The following USF3 variants were observed in gnomAD, a reference collection of about 807,000 sequenced individuals.
USF3 encodes basic helix-loop-helix domain-containing protein USF3.
Under a neutral mutation model 157.5 loss-of-function variants are expected in USF3, and 29 were observed. The observed-to-expected ratio is 0.18, with a 90% confidence interval of 0.14 to 0.25. The LOEUF (loss-of-function observed/expected upper bound fraction) is 0.25. Among genes scored for constraint, USF3 ranks in the 10% least tolerant of loss-of-function variants. The pLI is 1.00. For missense variants in USF3, 2,381 were observed against 2,667.6 expected (o/e 0.89, Z 2.37); for synonymous variants, 893 against 941.4 (o/e 0.95, Z 0.94).
chr3:113,664,837 C>T (rs1947539416), intron 5 of USF3, among the ~76,000 whole-genome samples: 1 of 152,074 alleles, frequency 6.6e-6, no homozygotes, highest in African/African-American at 2.4e-5. Context: ...GTAATTAGGT[C>T]ATGAAGGTGG....
chr3:113,692,536 T>C (rs1707708059), intron 1 of USF3, among the ~76,000 whole-genome samples: 3 of 152,224 alleles, frequency 2.0e-5, no homozygotes, highest in Admixed American at 1.3e-4. Context: ...TCATAGATTT[T>C]ACATACTTAT....
chr3:113,659,476 T>C lies in USF3; in HGVS notation c.2206A>G (p.Asn736Asp), dbSNP rs1473240039. The C allele has an allele frequency of 6.8e-6, 11 of 1,614,122 alleles. No individual in the cohort carries two copies. Among genetic ancestry groups the C allele is most frequent in the Non-Finnish European group, 9.3e-6 (11 of 1,180,040 alleles). The change falls in exon 7 of 7, where the codon AAT (asparagine) becomes GAT (aspartate). Residue 736 changes from asparagine to aspartate, a missense_variant. Asn to Asp is a conservative substitution (Grantham distance 23). Coordinates refer to ENST00000316407, the MANE Select transcript of USF3 (RefSeq NM_001009899.4). Reference sequence around the variant, plus strand: ...TGACTATTTGCAGCAGTTTGAGAATTGGCAGGCTGGCTAATAGACAATTGT... The same window carrying C: ...TGACTATTTGCAGCAGTTTGAGAATCGGCAGGCTGGCTAATAGACAATTGT... ...CVQLSISQPA[N>D]SQTAANSQTT...
Position 113,656,438 on chromosome 3 carries a change from A to C in USF3, c.5244T>G (p.Ser1748Arg), listed in dbSNP as rs753159692. ...TTCTTGAAGATTGTACTTCAAAATT[A>C]CTCTGGGGCTGTTGACTAGCTCCAC... is the stretch of plus-strand genomic sequence containing the variant. ...KPSGASQQPQ[S>R]NFEVQSSRNN... Residue 1748 changes from serine (S) to arginine (R), a missense_variant, in exon 7 of 7, where the codon AGT becomes AGG. Transcript: ENST00000316407. The C allele has an allele frequency of 5.7e-5, 92 of 1,613,982 alleles. No individual in the cohort carries two copies. Among genetic ancestry groups the C allele is most frequent in the Non-Finnish European group, 6.4e-5 (76 of 1,180,026 alleles).
chr3:113,679,040 T>TCTCTCC (rs1553701010), intron 1 of USF3, among the ~76,000 whole-genome samples: 1 of 151,302 alleles, frequency 6.6e-6, no homozygotes, highest in African/African-American at 2.4e-5. Flanking sequence ...TCTCTCTCTC[T>TCTCTCC]CCAACTCCTG....
chr3:113,660,776 G>A lies in USF3; in HGVS notation c.906C>T (p.Asn302=), dbSNP rs371603709. The A allele has an allele frequency of 4.3e-6, 7 of 1,614,214 alleles. No individual in the cohort carries two copies. In the South Asian group the frequency reaches 7.7e-5, roughly 18 times the overall value. The change falls in exon 7 of 7, where the codon AAC becomes AAT. Residue 302 remains asparagine, a synonymous_variant. Coordinates refer to ENST00000316407, the MANE Select transcript of USF3 (RefSeq NM_001009899.4). ...CAGTTGCTGAGGAGCTGTGGGGGAT[G>A]TTTGTAACACAAGGGGTCATTTTCT... ...VLKKMTPCVT[N]IPHSSSATAT... is the part of the protein sequence containing the mutation.
rs1265322538 is a variant in USF3 at position 113,668,097 on chromosome 3, A to G, written c.159+2024T>C. ...AAAATAGAGGGGAAGTGGCTGAAAG[A>G]CTCCTAATAAAGCAGTAATAAGAAC... On this transcript the variant is annotated intron_variant, in intron 5 of 6. Transcript: ENST00000316407. Among the ~76,000 whole-genome samples the G allele has an allele frequency of 2.0e-5, 3 of 151,618 alleles. No homozygotes were observed. In the East Asian group the frequency reaches 5.8e-4, roughly 29 times the overall value.
In USF3 at chr3:113,659,702, C is replaced by T. The variant is rs1374682685; in HGVS notation, c.1980G>A (p.Gln660=). The change falls in exon 7 of 7, where the codon CAG becomes CAA. Residue 660 remains glutamine, a synonymous_variant. Transcript: ENST00000316407. The part of the protein sequence containing the change: ...QTFSVTMSNQ[Q]PQTISLNGQL... The stretch of plus-strand genomic sequence containing the variant: ...GTCCATTTAAAGAAATGGTTTGAGG[C>T]TGTTGGTTTGACATGGTAACAGAAA... 1 of 1,614,216 alleles carries T rather than the reference C, an allele frequency of 6.2e-7. No homozygotes were observed. Among genetic ancestry groups the T allele is most frequent in the South Asian group, 1.1e-5 (1 of 91,084 alleles).
chr3:113,680,557 A>G (rs901054050), intron 1 of USF3, among the ~76,000 whole-genome samples: 2 of 152,096 alleles, frequency 1.3e-5, no homozygotes, highest in Non-Finnish European at 2.9e-5. Context: ...CACGCTTGTA[A>G]TCCCAGCACT....
At position 113,653,093 on chromosome 3, in the gene USF3, CT is replaced by C; in HGVS notation, c.*1850del. ...AGAAGAAAGAAAAGAAAAGCTGGTC[CT>C]TGAGTTCACTTTGTTAACAAGGCAG... On this transcript the variant is annotated 3_prime_UTR_variant, in exon 7 of 7. Coordinates refer to ENST00000316407, the MANE Select transcript of USF3 (RefSeq NM_001009899.4). 4.5e-6 allele frequency: 1 copy of C among 223,504 alleles called. No homozygotes were observed. The highest frequency in any genetic ancestry group is 8.7e-6 in the Non-Finnish European group (1 of 115,558). 13.8% of individuals were successfully genotyped at this position (223,504 alleles called of 1,614,324 possible).
At position 113,660,780 on chromosome 3, in the gene USF3, G is replaced by A. The variant is rs1463410579; in HGVS notation, c.902C>T (p.Thr301Ile). 6.2e-7 allele frequency: 1 copy of A among 1,614,192 alleles called. No homozygotes were observed. The highest frequency in any genetic ancestry group is 1.7e-5 in the Admixed American group (1 of 60,026). Residue 301 changes from threonine (T) to isoleucine (I), a missense_variant, in exon 7 of 7, where the codon ACA becomes ATA. Physicochemically the swap from Thr to Ile is moderately conservative, Grantham distance 89. Around this residue, in one of 6 missense-constraint regions of USF3, gnomAD observed 1,435 missense variants for 1,550.9 expected, o/e 0.93. Coordinates refer to ENST00000316407, the MANE Select transcript of USF3 (RefSeq NM_001009899.4). The stretch of plus-strand genomic sequence containing the variant: ...TGCTGAGGAGCTGTGGGGGATGTTT[G>A]TAACACAAGGGGTCATTTTCTTCAA... Reference protein sequence around the residue: ...KVLKKMTPCVTNIPHSSSATA... With the variant: ...KVLKKMTPCVINIPHSSSATA...
At chr3:113,673,825 G>A (rs1189257533) in intron 3 of USF3, among the ~76,000 whole-genome samples, 6 of 152,190 alleles carry the variant, frequency 3.9e-5, no homozygotes, top group Admixed American at 3.9e-4. Context: ...CCCTAGGGAG[G>A]GAGATGTGGC....
In USF3 at chr3:113,652,108, A is replaced by AGAGAGTGTGTGTGTGTGTGTGTGTGT. The variant is rs1266464109; in HGVS notation, c.*2835_*2836insACACACACACACACACACACACTCTC. ...TGGAGAGAGAGAGAGAGAGAGAGAGAGTGTGTGTGTGTGTGTGTGTGTGTG... is the reference window on the plus strand; with the variant it reads ...TGGAGAGAGAGAGAGAGAGAGAGAGAGAGAGTGTGTGTGTGTGTGTGTGTGTGTGTGTGTGTGTGTGTGTGTGTGTG... On this transcript the variant is annotated 3_prime_UTR_variant, in exon 7 of 7. Transcript: ENST00000316407. 3 of 141,978 alleles carry AGAGAGTGTGTGTGTGTGTGTGTGTGT rather than the reference A, an allele frequency of 2.1e-5. No individual in the cohort carries two copies. Among genetic ancestry groups the AGAGAGTGTGTGTGTGTGTGTGTGTGT allele is most frequent in the African/African-American group, 7.8e-5 (3 of 38,276 alleles). The allele number at this position is 141,978 out of a possible 1,614,324, so 8.8% of individuals were successfully genotyped here.
chr3:113,658,830 G>A lies in USF3; in HGVS notation c.2852C>T (p.Pro951Leu). 6.2e-7 allele frequency: 1 copy of A among 1,614,128 alleles called. No homozygotes were observed. ...AGGAACCTGAGAAACCAAAATGTGA[G>A]GATCACTTGGAGATGGAATCAATAC... Reference protein sequence around the residue: ...ANVLIPSPSDPHILVSQVPGL... With the variant: ...ANVLIPSPSDLHILVSQVPGL... The change falls in exon 7 of 7, where the codon CCT (proline) becomes CTT (leucine). Residue 951 changes from proline to leucine, a missense_variant. By Grantham distance (98) the Pro-to-Leu change is moderately conservative (BLOSUM62 -3). Transcript: ENST00000316407.
chr3:113,672,086 T>C (rs1190781488), intron 4 of USF3, among the ~76,000 whole-genome samples: 8 of 151,902 alleles, frequency 5.3e-5, no homozygotes, highest in Admixed American at 5.2e-4. Flanking sequence ...TCCTTTTCAA[T>C]GACACCTAAT....
Position 113,658,125 on chromosome 3 carries a change from G to A in USF3, c.3557C>T (p.Thr1186Ile), listed in dbSNP as rs1164012179. Residue 1186 changes from threonine to isoleucine, a missense_variant, in exon 7 of 7, where the codon ACA becomes ATA. By Grantham distance (89) the Thr-to-Ile change is moderately conservative (BLOSUM62 -1). Around this residue, in one of 6 missense-constraint regions of USF3, gnomAD observed 1,435 missense variants for 1,550.9 expected, o/e 0.93. Coordinates refer to ENST00000316407, the MANE Select transcript of USF3 (RefSeq NM_001009899.4). ...ATTTGGTGTTGCTTCTGCCTGTCCT[G>A]TGCCACTCTCTTTAGGTATCTGTGA... ...FKSQIPKESG[T>I]GQAEATPNEF... 6.2e-7 allele frequency: 1 copy of A among 1,614,116 alleles called. No homozygotes were observed. Among genetic ancestry groups the A allele is most frequent in the South Asian group, 1.1e-5 (1 of 91,084 alleles).
At chr3:113,676,199 A>T (rs1707277088) in intron 2 of USF3, among the ~76,000 whole-genome samples, 1 of 152,176 alleles carries the variant, frequency 6.6e-6, no homozygotes, top group South Asian at 2.1e-4. Flanking sequence ...TCTGCCTGTT[A>T]CCCAGTTCCA....
In USF3 at chr3:113,649,286, T is replaced by C. The variant is rs892677571; in HGVS notation, c.*5658A>G. 5.9e-5 allele frequency: 9 copies of C among 152,528 alleles called. No individual in the cohort carries two copies. The highest frequency in any genetic ancestry group is 1.9e-4 in the African/African-American group (8 of 41,468). 9.4% of individuals were successfully genotyped at this position (152,528 alleles called of 1,614,324 possible). On this transcript the variant is annotated 3_prime_UTR_variant, in exon 7 of 7. Coordinates refer to ENST00000316407, the MANE Select transcript of USF3 (RefSeq NM_001009899.4). The stretch of plus-strand genomic sequence containing the variant: ...GTTATCTTCTGTCTTATGAAATCTC[T>C]AATGACAGGATTATGCAGTCATCCA...
intron 2 of USF3, among the ~76,000 whole-genome samples, chr3:113,675,396 T>C (rs1707259114): frequency 6.6e-6 from 1 of 152,212 alleles, no homozygotes; most frequent in Admixed American, 6.5e-5. Context: ...CTCACTCATT[T>C]GTTGGGCATT....
Position 113,660,107 on chromosome 3 carries a change from T to A in USF3, c.1575A>T (p.Pro525=). Residue 525 remains proline (P), a synonymous_variant, in exon 7 of 7, where the codon CCA becomes CCT. Coordinates refer to ENST00000316407, the MANE Select transcript of USF3 (RefSeq NM_001009899.4). The part of the protein sequence containing the change: ...VKSQPPKNIL[P]LNSAMQVIQM... ...GAATCACTTGCATTGCTGAATTCAGTGGAAGGATATTTTTGGGAGGCTGAG... is the reference window on the plus strand; with the variant it reads ...GAATCACTTGCATTGCTGAATTCAGAGGAAGGATATTTTTGGGAGGCTGAG... 1 of 1,614,128 alleles carries A rather than the reference T, an allele frequency of 6.2e-7. No individual in the cohort carries two copies. The highest frequency in any genetic ancestry group is 8.5e-7 in the Non-Finnish European group (1 of 1,180,026).
Sources: allele counts gnomAD v4.1 joint callset (sites outside exome capture counted in the v4.1 genomes callset), GRCh38; gene constraint gnomAD v4.1.1; regional missense constraint gnomAD v4.1.1; transcripts MANE v1.5; gene names NCBI Gene and HGNC (gene_info 2026-07-23, HGNC 2026-07-21).